Variants in APBB2 observed in about 807,000 individuals in gnomAD.
The protein encoded by APBB2 is Fe65-like 1.
Under a neutral mutation model 82.5 loss-of-function variants are expected in APBB2, and 38 were observed. The observed-to-expected ratio is 0.46, with a 90% CI of 0.36 to 0.60. The LOEUF is 0.60. Ranked by LOEUF, APBB2 falls within the 20% of genes least tolerant of loss-of-function variation. APBB2 has a pLI of 0.00. For missense variants in APBB2, 772 were observed against 972.3 expected (o/e 0.79, Z 2.74); for synonymous variants, 341 against 368.2 (o/e 0.93, Z 0.85).
intron 3 of APBB2, among the ~76,000 whole-genome samples, chr4:41,098,059 TC>T (rs1415003494): frequency 6.6e-6 from 1 of 151,518 alleles, no homozygotes; most frequent in Non-Finnish European, 1.5e-5. Context: ...CTTAACTAGT[TC>T]TTCAAAATCA....
chr4:41,159,953 AG>A, intron 1 of APBB2, among the ~76,000 whole-genome samples: 1 of 83,328 alleles, frequency 1.2e-5, no homozygotes, highest in Non-Finnish European at 2.4e-5. Context: ...GAGAAGGAGA[AG>A]GAGAAGGAGA....
At position 40,885,418 on chromosome 4, in the gene APBB2, G is replaced by A. The variant is rs115612233; in HGVS notation, c.1529+4946C>T. ...GGAAGATTGTAGCCCCATAGTACTC[G>A]GCCAGTGAGGAATTGGGGGAGGGAC... On this transcript the variant is annotated intron_variant, in intron 12 of 17. Coordinates refer to ENST00000508593, the MANE Select transcript of APBB2 (RefSeq NM_004307.2). Among the ~76,000 whole-genome samples, 443 of 152,256 alleles carry A rather than the reference G, an allele frequency of 2.9e-3. 1 individual carries two copies. The highest frequency in any genetic ancestry group is 0.01 in the African/African-American group (418 of 41,554).
Position 41,087,508 on chromosome 4 carries a change from C to T in APBB2, c.-149+13131G>A, listed in dbSNP as rs543553021. Among the ~76,000 whole-genome samples the T allele has an allele frequency of 4.4e-4, 67 of 152,266 alleles. 1 individual carries two copies. The South Asian group carries it at 9.3e-3, about 21-fold the overall frequency. On this transcript the variant is annotated intron_variant, in intron 3 of 17. Coordinates refer to ENST00000508593, the MANE Select transcript of APBB2 (RefSeq NM_004307.2). Reference sequence around the variant, plus strand: ...ACAGTGGCACAATCTTAGCTCACTGCAACCTCCACCTCCCAGGTGAAGTGA... The same window carrying T: ...ACAGTGGCACAATCTTAGCTCACTGTAACCTCCACCTCCCAGGTGAAGTGA...
intron 2 of APBB2, among the ~76,000 whole-genome samples, chr4:41,121,931 A>C (rs1752967743): frequency 6.6e-6 from 1 of 150,948 alleles, no homozygotes; most frequent in Non-Finnish European, 1.5e-5. Flanking sequence ...GTGTGTGTGT[A>C]TGTGTGTGTG....
chr4:40,872,130 A>C (rs185798193), intron 12 of APBB2, among the ~76,000 whole-genome samples: 1 of 152,370 alleles, frequency 6.6e-6, no homozygotes, highest in East Asian at 1.9e-4. Flanking sequence ...AGAAATGTTC[A>C]GTCAGCGCAT....
chr4:41,198,761 T>C (rs1037716191), intron 1 of APBB2, among the ~76,000 whole-genome samples: 3 of 152,238 alleles, frequency 2.0e-5, no homozygotes, highest in African/African-American at 4.8e-5. Context: ...GGCAGAGCCA[T>C]GATCCCTCCA....
chr4:40,828,569 TA>T (rs1750753128), intron 13 of APBB2, among the ~76,000 whole-genome samples: 1 of 152,214 alleles, frequency 6.6e-6, no homozygotes, highest in Admixed American at 6.5e-5. Flanking sequence ...ATAAGCTCCA[TA>T]AGGGCAAGGA....
intron 12 of APBB2, among the ~76,000 whole-genome samples, chr4:40,841,940 A>G (rs1490683883): frequency 6.6e-6 from 1 of 152,212 alleles, no homozygotes; most frequent in Non-Finnish European, 1.5e-5. Flanking sequence ...TCGGCCTCCC[A>G]AAGTGTTAGG....
intron 12 of APBB2, among the ~76,000 whole-genome samples, chr4:40,860,456 C>T (rs746325007): frequency 1.3e-5 from 2 of 152,224 alleles, no homozygotes; most frequent in Non-Finnish European, 2.9e-5. Flanking sequence ...CACACGGCAA[C>T]ACCAGGGAAG....
At chr4:41,187,117 G>A (rs915430358) in intron 1 of APBB2, among the ~76,000 whole-genome samples, 2 of 152,130 alleles carry the variant, frequency 1.3e-5, no homozygotes, top group African/African-American at 4.8e-5. Context: ...AGTCAGAGAT[G>A]AGCTTCTGTA....
intron 12 of APBB2, among the ~76,000 whole-genome samples, chr4:40,867,372 A>T (rs915652926): frequency 6.6e-6 from 1 of 152,200 alleles, no homozygotes; most frequent in Non-Finnish European, 1.5e-5. Flanking sequence ...AGCATTTTTC[A>T]TATCTATCAT....
At chr4:41,049,828 G>A (rs1464659763) in intron 4 of APBB2, among the ~76,000 whole-genome samples, 2 of 152,158 alleles carry the variant, frequency 1.3e-5, no homozygotes, top group Admixed American at 1.3e-4. Flanking sequence ...CCCCAACCCG[G>A]TGCTCTCTGA....
chr4:41,156,659 A>C (rs1382798962), intron 1 of APBB2, among the ~76,000 whole-genome samples: 1 of 152,224 alleles, frequency 6.6e-6, no homozygotes, highest in Admixed American at 6.5e-5. Flanking sequence ...TATTACGGAA[A>C]GTTCATTGGC....
intron 4 of APBB2, among the ~76,000 whole-genome samples, chr4:41,036,222 C>T (rs1272037237): frequency 5.3e-5 from 8 of 152,110 alleles, no homozygotes; most frequent in Admixed American, 5.2e-4. Flanking sequence ...GCAAATACTA[C>T]ACCACTTTAT....
chr4:41,142,077 T>C (rs571218685), intron 2 of APBB2, among the ~76,000 whole-genome samples: 6 of 152,224 alleles, frequency 3.9e-5, no homozygotes, highest in African/African-American at 1.4e-4. Flanking sequence ...TCTGGATGAT[T>C]TATTAAAAGA....
chr4:41,107,029 A>G (rs1747520927), intron 2 of APBB2, among the ~76,000 whole-genome samples: 1 of 152,000 alleles, frequency 6.6e-6, no homozygotes, highest in Admixed American at 6.6e-5. Context: ...AAAGATGTTG[A>G]CCAGGCACAG....
intron 1 of APBB2, among the ~76,000 whole-genome samples, chr4:41,213,647 T>C (rs1308639065): frequency 1.3e-5 from 2 of 152,252 alleles, no homozygotes; most frequent in African/African-American, 2.4e-5. Context: ...CGTCCAGCTC[T>C]GTTCTCGCCG....
intron 2 of APBB2, among the ~76,000 whole-genome samples, chr4:41,104,911 C>A (rs143314008): frequency 6.6e-6 from 1 of 152,278 alleles, no homozygotes; most frequent in Non-Finnish European, 1.5e-5. Flanking sequence ...TCAAGGGGCA[C>A]CTGAGTTGAT....
intron 3 of APBB2, among the ~76,000 whole-genome samples, chr4:41,068,788 CTTTTTTTTTTTTTTTT>C (rs71198628): frequency 2.7e-4 from 21 of 78,378 alleles, no homozygotes; most frequent in Non-Finnish European, 2.2e-4. Context: ...TACCAACCAT[CTTTTTTTTTTTTTTTT>C]TTTTTTTTTT....
Sources: allele counts gnomAD v4.1 joint callset (sites outside exome capture counted in the v4.1 genomes callset), GRCh38; gene constraint gnomAD v4.1.1; transcripts MANE v1.5; gene names NCBI Gene and HGNC (gene_info 2026-07-23, HGNC 2026-07-21).